NDST4: variants seen among roughly 807,000 people sequenced by gnomAD.
The protein encoded by NDST4 is N-deacetylase and N-sulfotransferase 4.
Under a neutral mutation model 100.8 loss-of-function variants are expected in NDST4, and 63 were observed. The observed-to-expected ratio is 0.62, with a 90% confidence interval of 0.51 to 0.77. The LOEUF (loss-of-function observed/expected upper bound fraction) is 0.77. Among genes scored for constraint, NDST4 ranks in the 30% least tolerant of loss-of-function variants. The pLI, the probability that NDST4 is intolerant of heterozygous loss-of-function variation, is 0.00. For synonymous variants in NDST4, 377 were observed against 361.8 expected (o/e 1.04, Z -0.48); for missense variants, 943 against 1,018.4 (o/e 0.93, Z 1.01).
intron 6 of NDST4, among the ~76,000 whole-genome samples, chr4:114,906,535 C>T (rs951235346): frequency 6.6e-6 from 1 of 151,868 alleles, no homozygotes; most frequent in South Asian, 2.1e-4. Flanking sequence ...CAGTTAATTT[C>T]GCAGGCCTAC....
At chr4:114,949,309 C>T (rs1041649737) in intron 4 of NDST4, among the ~76,000 whole-genome samples, 1 of 151,732 alleles carries the variant, frequency 6.6e-6, no homozygotes, top group African/African-American at 2.4e-5. Context: ...TGAATATAAG[C>T]AAATCTCAAA....
intron 2 of NDST4, among the ~76,000 whole-genome samples, chr4:115,060,323 C>T (rs918712854): frequency 4.6e-5 from 7 of 151,916 alleles, no homozygotes; most frequent in African/African-American, 1.5e-4. Context: ...AAGGAATTAA[C>T]TCTATTTACT....
chr4:114,952,939 T>C (rs1726050234), intron 4 of NDST4, among the ~76,000 whole-genome samples: 1 of 152,092 alleles, frequency 6.6e-6, no homozygotes, highest in South Asian at 2.1e-4. Context: ...TGTCATTCAT[T>C]CATATGTTAC....
At chr4:115,068,815 C>CAAAAAAAAAAA (rs34003720) in intron 2 of NDST4, among the ~76,000 whole-genome samples, 2 of 77,598 alleles carry the variant, frequency 2.6e-5, no homozygotes, top group East Asian at 3.0e-4. Flanking sequence ...GGCTCCATCT[C>CAAAAAAAAAAA]AAAAAAAAAA....
At chr4:114,849,533 T>C (rs568988331) in intron 8 of NDST4, among the ~76,000 whole-genome samples, 56 of 152,178 alleles carry the variant, frequency 3.7e-4, no homozygotes, top group Non-Finnish European at 7.3e-4. Context: ...TTAATGAGAT[T>C]GCCGCCCTTT....
chr4:114,937,538 A>T (rs1725656762), intron 4 of NDST4, 35 bp from the exon 5 acceptor site: 1 of 1,475,002 alleles, frequency 6.8e-7, no homozygotes, highest in East Asian at 2.3e-5. Context: ...ATGATGGGAC[A>T]AGGCCAATTA....
chr4:114,959,615 C>T (rs1009515881), intron 4 of NDST4, among the ~76,000 whole-genome samples: 1 of 152,070 alleles, frequency 6.6e-6, no homozygotes, highest in African/African-American at 2.4e-5. Flanking sequence ...ATGGGAGCTA[C>T]AATTCAAGAC....
chr4:115,087,639 T>A (rs956591341), intron 1 of NDST4, among the ~76,000 whole-genome samples: 1 of 151,622 alleles, frequency 6.6e-6, no homozygotes, highest in Non-Finnish European at 1.5e-5. Flanking sequence ...CCTATCTTGA[T>A]TTTTTTTCAC....
chr4:114,848,565 G>A (rs1321772555), intron 8 of NDST4, among the ~76,000 whole-genome samples: 1 of 152,108 alleles, frequency 6.6e-6, no homozygotes, highest in South Asian at 2.1e-4. Context: ...TTAGCACATG[G>A]CCAAAGTAAA....
intron 2 of NDST4, among the ~76,000 whole-genome samples, chr4:115,025,509 T>C (rs966328816): frequency 1.3e-5 from 2 of 152,068 alleles, no homozygotes; most frequent in Non-Finnish European, 2.9e-5. Flanking sequence ...TTATTGAGAG[T>C]TCCTGATAGA....
intron 6 of NDST4, among the ~76,000 whole-genome samples, chr4:114,873,816 A>T (rs759087173): frequency 1.3e-5 from 2 of 152,168 alleles, no homozygotes; most frequent in Non-Finnish European, 2.9e-5. Flanking sequence ...CCAGGACTGA[A>T]AATAGTATGA....
chr4:114,923,477 C>T (rs1427776862), intron 6 of NDST4, among the ~76,000 whole-genome samples: 2 of 152,020 alleles, frequency 1.3e-5, no homozygotes, highest in African/African-American at 4.8e-5. Context: ...GCATTTTGAA[C>T]CCTTCAGTAG....
intron 6 of NDST4, among the ~76,000 whole-genome samples, chr4:114,907,383 T>C (rs1326868380): frequency 2.0e-5 from 3 of 152,138 alleles, no homozygotes; most frequent in Admixed American, 6.6e-5. Context: ...TATCCGTCTA[T>C]TTAAAAATAC....
At chr4:115,034,057 G>A (rs1412487815) in intron 2 of NDST4, among the ~76,000 whole-genome samples, 1 of 152,026 alleles carries the variant, frequency 6.6e-6, no homozygotes, top group East Asian at 1.9e-4. Flanking sequence ...CTAACCACAA[G>A]TTCCTCTCCT....
At chr4:114,901,563 G>A (rs1358285803) in intron 6 of NDST4, among the ~76,000 whole-genome samples, 1 of 151,714 alleles carries the variant, frequency 6.6e-6, no homozygotes, top group African/African-American at 2.4e-5. Flanking sequence ...TATAGTTGGG[G>A]CTTGTTTTTT....
rs969633117 is a variant in NDST4 at position 114,947,947 on chromosome 4, C to T, written c.1222-10444G>A. ...TGTGAAGAAGACAAGTGGAAGAGGGCTAAATGTCCTTTTCGAAGCTGTCTA... is the reference window on the plus strand; with the variant it reads ...TGTGAAGAAGACAAGTGGAAGAGGGTTAAATGTCCTTTTCGAAGCTGTCTA... On this transcript the variant is annotated intron_variant, in intron 4 of 13. Transcript: ENST00000264363. Among the ~76,000 whole-genome samples, 24 of 152,056 alleles carry T rather than the reference C, an allele frequency of 1.6e-4. No individual in the cohort carries two copies. The East Asian group carries it at 4.5e-3, about 28-fold the overall frequency.
Position 114,870,790 on chromosome 4 carries a change from TC to T in NDST4, c.1696del (p.Glu566SerfsTer33). ...LAHQYFELFP[E>X]QKDPLWQNPC... Reference sequence around the variant, plus strand: ...TACCTGCCATAGAGGGTCTTTCTGCTCAGGGAAGAGCTCAAAATACTGGTGG... The same window carrying T: ...TACCTGCCATAGAGGGTCTTTCTGCTAGGGAAGAGCTCAAAATACTGGTGG... On this transcript the variant is annotated frameshift_variant, in exon 7 of 14. Coordinates refer to ENST00000264363, the MANE Select transcript of NDST4 (RefSeq NM_022569.3). LOFTEE classifies it high-confidence loss of function. 6.2e-7 allele frequency: 1 copy of T among 1,611,686 alleles called. No individual in the cohort carries two copies. Among genetic ancestry groups the T allele is most frequent in the Non-Finnish European group, 8.5e-7 (1 of 1,178,848 alleles).
At chr4:114,867,646 TAAAAAAAAAAAAAAAAAGCA>T (rs776560264) in intron 7 of NDST4, among the ~76,000 whole-genome samples, 1 of 26,778 alleles carries the variant, frequency 3.7e-5, no homozygotes, top group Admixed American at 4.8e-4. Context: ...ATGAGAATTA[TAAAAAAAAAAAAAAAAAGCA>T]AAAAAAAAAA....
intron 4 of NDST4, among the ~76,000 whole-genome samples, chr4:114,951,791 G>A (rs1285424502): frequency 2.6e-5 from 4 of 152,100 alleles, no homozygotes; most frequent in African/African-American, 4.8e-5. Context: ...AACTAGGTAA[G>A]GACTCATGTA....
Sources: allele counts gnomAD v4.1 joint callset (sites outside exome capture counted in the v4.1 genomes callset), GRCh38; gene constraint gnomAD v4.1.1; transcripts MANE v1.5; gene names NCBI Gene and HGNC (gene_info 2026-07-23, HGNC 2026-07-21).